The following TUBGCP6 variants were observed in gnomAD, a reference collection of about 807,000 sequenced individuals.
The protein encoded by TUBGCP6 is tubulin gamma complex component 6.
Under a neutral mutation model 175.8 loss-of-function variants are expected in TUBGCP6, and 161 were observed. The ratio of observed to expected loss-of-function variants is 0.92; its 90% CI spans 0.81 to 1.04. The LOEUF is 1.04. Ranked by LOEUF, TUBGCP6 falls within the 50% of genes least tolerant of loss-of-function variation. TUBGCP6 has a pLI of 0.00. For synonymous variants in TUBGCP6, 1,173 were observed against 1,030.5 expected (o/e 1.14, Z -2.65); for missense variants, 2,572 against 2,433.0 (o/e 1.06, Z -1.20).
chr22:50,221,101 G>A lies in TUBGCP6; in HGVS notation c.3258C>T (p.Ala1086=), dbSNP rs1450223511. 3.2e-5 allele frequency: 52 copies of A among 1,613,044 alleles called. No individual in the cohort carries two copies. The highest frequency in any genetic ancestry group is 3.6e-5 in the Non-Finnish European group (43 of 1,179,810). ...RWNTHGHVSN[A]SISLGESVSD... ...ACACAGACTCCCCTAAGCTGATGCT[G>A]GCATTGGATACGTGTCCGTGGGTGT... Residue 1086 remains alanine (A), a synonymous_variant, in exon 16 of 25, where the codon GCC becomes GCT. Coordinates refer to ENST00000248846, the MANE Select transcript of TUBGCP6 (RefSeq NM_020461.4).
chr22:50,233,933 C>T (rs1035729264), intron 2 of TUBGCP6, among the ~76,000 whole-genome samples: 2 of 152,016 alleles, frequency 1.3e-5, no homozygotes, highest in East Asian at 1.9e-4. Flanking sequence ...ACAGCATCTA[C>T]ACCCTGTCCA....
Position 50,217,915 on chromosome 22 carries a change from C to T in TUBGCP6, c.5368+3G>A. ...CAGCCCTCCCAGCCAGGGTGGGCCT[C>T]ACCTTTGAAGAGAAAGTGGGAGTAG... On this transcript the variant is annotated splice_donor_region_variant and intron_variant, in intron 24 of 24. Coordinates refer to ENST00000248846, the MANE Select transcript of TUBGCP6 (RefSeq NM_020461.4). 1 of 1,606,038 alleles carries T rather than the reference C, an allele frequency of 6.2e-7. No individual in the cohort carries two copies. The highest frequency in any genetic ancestry group is 1.1e-5 in the South Asian group (1 of 90,608).
At chr22:50,242,815 C>T (rs1283440404) in intron 1 of TUBGCP6, among the ~76,000 whole-genome samples, 2 of 152,166 alleles carry the variant, frequency 1.3e-5, no homozygotes, top group Non-Finnish European at 2.9e-5. Context: ...TTTTAATTAA[C>T]TTCAATTTAA....
Position 50,218,474 on chromosome 22 carries a change from C to T in TUBGCP6, c.4954+14G>A. On this transcript the variant is annotated intron_variant, in intron 22 of 24. Transcript: ENST00000248846. ...GCCAGGGGTGCGGGGCGCCGGGCTC[C>T]AGCGGGGCCTCACCTGTGCGCTTGA... The T allele has an allele frequency of 1.9e-6, 3 of 1,613,238 alleles. No individual in the cohort carries two copies. The highest frequency in any genetic ancestry group is 2.5e-6 in the Non-Finnish European group (3 of 1,179,894).
intron 14 of TUBGCP6, 43 bp from the exon 15 acceptor site, chr22:50,222,145 A>G: frequency 6.3e-7 from 1 of 1,593,154 alleles, no homozygotes; most frequent in Non-Finnish European, 8.6e-7. Flanking sequence ...GCCGGAGTCA[A>G]GCACAGCCCT....
intron 2 of TUBGCP6, among the ~76,000 whole-genome samples, chr22:50,237,346 G>T (rs2064789591): frequency 6.6e-6 from 1 of 152,242 alleles, no homozygotes; most frequent in African/African-American, 2.4e-5. Context: ...GCTCATCACA[G>T]CAGGAAACTA....
In TUBGCP6 at chr22:50,226,205, C is replaced by T. The variant is rs769164855; in HGVS notation, c.1694-16G>A. ...TACAACTTATCTAAGGTAGGGTGAA[C>T]ACCACGGTGGCCGGCATGGCCATGG... On this transcript the variant is annotated splice_polypyrimidine_tract_variant and intron_variant, in intron 8 of 24. Transcript: ENST00000248846. 2 of 1,614,096 alleles carry T rather than the reference C, an allele frequency of 1.2e-6. No homozygotes were observed. The highest frequency in any genetic ancestry group is 1.7e-6 in the Non-Finnish European group (2 of 1,180,004).
intron 4 of TUBGCP6, 35 bp from the exon 5 acceptor site, chr22:50,228,063 G>A (rs1365729832): frequency 4.0e-6 from 6 of 1,502,786 alleles, no homozygotes; most frequent in Non-Finnish European, 4.5e-6. Context: ...GGGCGGCCAG[G>A]CACATGGACG....
rs1277568930 is a variant in TUBGCP6, at chr22:50,234,830, ACAGCATCACCCACACCCCTGTCCCTGG to A, written c.906-1331_906-1305del. On this transcript the variant is annotated intron_variant, in intron 2 of 24. Transcript: ENST00000248846. ...GCATCATCCACACCCCCTGTCCACG[ACAGCATCACCCACACCCCTGTCCCTGG>A]CAGCATCACCCACACACACCCATGG... Among the ~76,000 whole-genome samples the A allele has an allele frequency of 1.8e-4, 20 of 111,038 alleles. 1 individual carries two copies. In the South Asian group the frequency reaches 5.0e-3, roughly 28 times the overall value. 72.8% of individuals were successfully genotyped at this position (111,038 alleles called of 152,430 possible). A position where few individuals can be genotyped will look rare whatever the true frequency, so the allele number is the denominator to read the frequency against.
At position 50,243,781 on chromosome 22, in the gene TUBGCP6, C is replaced by T; in HGVS notation, c.679G>A (p.Asp227Asn). 3 of 1,613,670 alleles carry T rather than the reference C, an allele frequency of 1.9e-6. No homozygotes were observed. Among genetic ancestry groups the T allele is most frequent in the Non-Finnish European group, 2.5e-6 (3 of 1,180,020 alleles). The change falls in exon 1 of 25, where the codon GAC becomes AAC. Residue 227 changes from aspartate (D) to asparagine (N), a missense_variant. By Grantham distance (23) the Asp-to-Asn change is conservative. Transcript: ENST00000248846. ...ALVHSRTYDM[D>N]VRLGLPPVPD... ...ACGGGGGGCAGGCCCAGTCGGACGT[C>T]CATGTCATAAGTGCGGCTGTGCACA...
Position 50,227,946 on chromosome 22 carries a change from G to C in TUBGCP6, c.1373C>G (p.Thr458Ser). Residue 458 changes from threonine (T) to serine (S), a missense_variant, in exon 5 of 25, where the codon ACC (threonine) becomes AGC (serine). Thr to Ser is a moderately conservative substitution (Grantham distance 58, BLOSUM62 1). Transcript: ENST00000248846. ...AAGTTTCTTGAAGAGAAAACCAATG[G>C]TGAGGAGGCTCAGGGTGGGCGGAGT... ...LSTPPTLSLL[T>S]IGFLFKKLGR... 1 of 1,574,298 alleles carries C rather than the reference G, an allele frequency of 6.4e-7. No individual in the cohort carries two copies. Among genetic ancestry groups the C allele is most frequent in the Non-Finnish European group, 8.6e-7 (1 of 1,159,480 alleles).
Position 50,226,036 on chromosome 22 carries a change from G to A in TUBGCP6, c.1833+14C>T. 6.2e-7 allele frequency: 1 copy of A among 1,613,764 alleles called. No homozygotes were observed. Among genetic ancestry groups the A allele is most frequent in the Non-Finnish European group, 8.5e-7 (1 of 1,179,886 alleles). ...ACCGGCCCCTCTCTTCCCCACACATGAGCCCCTCCTCACCCGGGGGCAGCA... is the reference window on the plus strand; with the variant it reads ...ACCGGCCCCTCTCTTCCCCACACATAAGCCCCTCCTCACCCGGGGGCAGCA... On this transcript the variant is annotated intron_variant, in intron 9 of 24. Transcript: ENST00000248846.
intron 1 of TUBGCP6, among the ~76,000 whole-genome samples, chr22:50,241,086 A>G (rs1044718322): frequency 6.6e-6 from 1 of 152,256 alleles, no homozygotes; most frequent in Non-Finnish European, 1.5e-5. Context: ...TAGATCATAA[A>G]TATGATTATA....
At chr22:50,218,456 G>A (rs758163865) in intron 22 of TUBGCP6, 32 bp downstream of exon 22, 2 of 1,613,064 alleles carry the variant, frequency 1.2e-6, no homozygotes, top group Non-Finnish European at 1.7e-6. Context: ...CCAGCCAGGG[G>A]TGCGGGGCGC....
chr22:50,219,720 A>AC lies in TUBGCP6; in HGVS notation c.4238dup (p.Gly1414TrpfsTer55). ...GGCCTGCCAGGTAGGCCTGCTCCCC[A>AC]CCCTGAGCCTCCGCCGCCGATGCCT... On this transcript the variant is annotated frameshift_variant, in exon 18 of 25. Transcript: ENST00000248846. LOFTEE classifies it high-confidence loss of function. The AC allele has an allele frequency of 1.2e-6, 2 of 1,612,320 alleles. No individual in the cohort carries two copies. Among genetic ancestry groups the AC allele is most frequent in the Non-Finnish European group, 8.5e-7 (1 of 1,179,528 alleles).
At chr22:50,224,472 C>A in intron 11 of TUBGCP6, 39 bp downstream of exon 11, 1 of 1,614,136 alleles carries the variant, frequency 6.2e-7, no homozygotes, top group Non-Finnish European at 8.5e-7. Flanking sequence ...CCAGCAAGGC[C>A]CCCCGGAACT....
Position 50,220,401 on chromosome 22 carries a change from G to A in TUBGCP6, c.3958C>T (p.Arg1320Trp), listed in dbSNP as rs149423531. The A allele has an allele frequency of 2.5e-5, 39 of 1,578,452 alleles. No individual in the cohort carries two copies. In the African/African-American group the frequency reaches 2.8e-4, roughly 11 times the overall value. Reference protein sequence around the residue: ...AQSTVLDCGPRLPVEVGPSLS... With the variant: ...AQSTVLDCGPWLPVEVGPSLS... The stretch of plus-strand genomic sequence containing the variant: ...GATGGCCCCACTTCTACAGGCAGCC[G>A]TGGCCCACAGTCCAGCACAGTGCTC... Residue 1320 changes from arginine to tryptophan, a missense_variant, in exon 16 of 25, where the codon CGG becomes TGG. Physicochemically the swap from Arg to Trp is moderately radical, Grantham distance 101. Coordinates refer to ENST00000248846, the MANE Select transcript of TUBGCP6 (RefSeq NM_020461.4).
At chr22:50,240,716 G>A (rs756974133) in intron 1 of TUBGCP6, among the ~76,000 whole-genome samples, 7 of 152,210 alleles carry the variant, frequency 4.6e-5, no homozygotes, top group African/African-American at 7.2e-5. Context: ...GGGGCCAGGC[G>A]CAGTGGCTCA....
chr22:50,230,387 A>G (rs534204656), intron 3 of TUBGCP6, among the ~76,000 whole-genome samples: 19 of 152,134 alleles, frequency 1.2e-4, no homozygotes, highest in Admixed American at 3.9e-4. Flanking sequence ...CAGGTGGATC[A>G]CTTCAGGTCA....
Sources: gnomAD v4.1 joint callset for allele counts (sites outside exome capture counted in the v4.1 genomes callset) on GRCh38, gnomAD v4.1.1 for gene constraint, MANE v1.5 for transcripts, NCBI Gene and HGNC (gene_info 2026-07-23, HGNC 2026-07-21) for gene names.